Variants in SLC2A4 observed in about 807,000 individuals in gnomAD.
The protein encoded by SLC2A4 is solute carrier family 2 member 4, also known as solute carrier family 2, facilitated glucose transporter member 4.
Under a neutral mutation model 53.3 loss-of-function variants are expected in SLC2A4, and 31 were observed. That is an observed-to-expected ratio of 0.58 (90% CI 0.44 to 0.78). The LOEUF is 0.78. Among genes scored for constraint, SLC2A4 ranks in the 30% least tolerant of loss-of-function variants. The pLI is 0.00. For synonymous variants in SLC2A4, 276 were observed against 281.9 expected, an observed-to-expected ratio of 0.98 and a Z score of 0.21; for missense variants, 538 against 655.7, an observed-to-expected ratio of 0.82 and a Z score of 1.96.
intron 10 of SLC2A4, 147 bp from the exon 11 acceptor site, chr17:7,286,279 C>T: frequency 1.3e-6 from 1 of 774,794 alleles, no homozygotes; most frequent in Admixed American, 1.7e-5. Context: ...ATTCTCATTC[C>T]TGCTCATTTC....
Position 7,283,579 on chromosome 17 carries a change from C to T in SLC2A4, c.257C>T (p.Ala86Val). Residue 86 changes from alanine to valine, a missense_variant, in exon 3 of 11, where the codon GCC (alanine) becomes GTC (valine). Transcript: ENST00000317370. This position sits in a 1 kb window ranked among gnomAD's most constrained non-coding sequence, Gnocchi z 5.8. Reference sequence around the variant, plus strand: ...ACCACCCTCTGGGCCCTCTCCGTGGCCATCTTTTCCGTGGGCGGCATGATT... The same window carrying T: ...ACCACCCTCTGGGCCCTCTCCGTGGTCATCTTTTCCGTGGGCGGCATGATT... ...TLTTLWALSV[A>V]IFSVGGMISS... 1 of 1,614,056 alleles carries T rather than the reference C, an allele frequency of 6.2e-7. No homozygotes were observed.
chr17:7,286,396 C>G, intron 10 of SLC2A4, 30 bp from the exon 11 acceptor site: 2 of 1,602,168 alleles, frequency 1.2e-6, no homozygotes, highest in African/African-American at 2.7e-5. Context: ...CACCTCACTC[C>G]GTCAACACCT....
rs1166854682 is a variant in SLC2A4 at position 7,284,731 on chromosome 17, G to A, written c.915+59G>A. On this transcript the variant is annotated intron_variant, in intron 7 of 10. Transcript: ENST00000317370. This position sits in a 1 kb window ranked among gnomAD's most constrained non-coding sequence, Gnocchi z 7.5. ...CCCCGGGAGGGTAGACGAGAGTGGG[G>A]AGCAAACCCCCTCCACCAACACCCA... is the stretch of plus-strand genomic sequence containing the variant. 2 of 1,610,170 alleles carry A rather than the reference G, an allele frequency of 1.2e-6. No individual in the cohort carries two copies. The highest frequency in any genetic ancestry group is 1.3e-5 in the African/African-American group (1 of 74,820).
At position 7,286,739 on chromosome 17, in the gene SLC2A4, G is replaced by A; in HGVS notation, c.*110G>A. On this transcript the variant is annotated 3_prime_UTR_variant, in exon 11 of 11. Transcript: ENST00000317370. ...TTCCCTATTATTTCCGGGTGGAAAA[G>A]AATCCCTGCAGCCTGGTAGAATTGG... The A allele has an allele frequency of 9.6e-7, 1 of 1,040,556 alleles. No homozygotes were observed. Among genetic ancestry groups the A allele is most frequent in the East Asian group, 2.4e-5 (1 of 42,046 alleles). The allele number at this position is 1,040,556 out of a possible 1,614,324, so 64.5% of individuals were successfully genotyped here. A position where few individuals can be genotyped will look rare whatever the true frequency, so the allele number is the denominator to read the frequency against.
chr17:7,284,449 C>T lies in SLC2A4; in HGVS notation c.728-36C>T, dbSNP rs2072430832. On this transcript the variant is annotated intron_variant, in intron 6 of 10. Transcript: ENST00000317370. This position sits in a 1 kb window ranked among gnomAD's most constrained non-coding sequence, Gnocchi z 7.5. ...TCATCTTGCTAGCACCTGGCTTCCT[C>T]TCAGGTCCCCTCAGGCCTGACCTTC... is the stretch of plus-strand genomic sequence containing the variant. 1 of 1,614,010 alleles carries T rather than the reference C, an allele frequency of 6.2e-7. No homozygotes were observed. Among genetic ancestry groups the T allele is most frequent in the African/African-American group, 1.3e-5 (1 of 74,954 alleles).
Position 7,281,878 on chromosome 17 carries a change from C to A in SLC2A4, c.-57C>A, listed in dbSNP as rs909232188. ...GCGCTCCAGGCCGGAGTCAGAGACTCCAGGATCGGTTCTTTCATCTTCGCC... is the reference window on the plus strand; with the variant it reads ...GCGCTCCAGGCCGGAGTCAGAGACTACAGGATCGGTTCTTTCATCTTCGCC... On this transcript the variant is annotated 5_prime_UTR_variant, in exon 1 of 11. Coordinates refer to ENST00000317370, the MANE Select transcript of SLC2A4 (RefSeq NM_001042.3). The A allele has an allele frequency of 1.3e-6, 2 of 1,560,754 alleles. No homozygotes were observed. Among genetic ancestry groups the A allele is most frequent in the African/African-American group, 1.4e-5 (1 of 74,006 alleles).
Position 7,282,004 on chromosome 17 carries a change from C to A in SLC2A4, c.33+37C>A, listed in dbSNP as rs1454897603. 4 of 1,357,700 alleles carry A rather than the reference C, an allele frequency of 2.9e-6. No individual in the cohort carries two copies. Among genetic ancestry groups the A allele is most frequent in the South Asian group, 1.2e-5 (1 of 83,088 alleles). 84.1% of individuals were successfully genotyped at this position (1,357,700 alleles called of 1,614,324 possible). A position where few individuals can be genotyped will look rare whatever the true frequency, so the allele number is the denominator to read the frequency against. Reference sequence around the variant, plus strand: ...CATGAGGGGGCGGGGCGGGGGGGCACGGGTCCCGCTTTTCTTGGGCTGGGG... The same window carrying A: ...CATGAGGGGGCGGGGCGGGGGGGCAAGGGTCCCGCTTTTCTTGGGCTGGGG... On this transcript the variant is annotated intron_variant, in intron 1 of 10. Coordinates refer to ENST00000317370, the MANE Select transcript of SLC2A4 (RefSeq NM_001042.3). This position sits in a 1 kb window ranked among gnomAD's most constrained non-coding sequence, Gnocchi z 4.1.
rs1471876957 is a variant in SLC2A4 at position 7,285,966 on chromosome 17, T to A, written c.1326+58T>A. ...AGGCCAGAGGTGGGCATCACACAGC[T>A]AGCCCACCTGCTTCCCCGTCAGGGA... On this transcript the variant is annotated intron_variant, in intron 10 of 10. Coordinates refer to ENST00000317370, the MANE Select transcript of SLC2A4 (RefSeq NM_001042.3). This position sits in a 1 kb window ranked among gnomAD's most constrained non-coding sequence, Gnocchi z 6.0. 1.3e-6 allele frequency: 2 copies of A among 1,498,436 alleles called. No homozygotes were observed. Among genetic ancestry groups the A allele is most frequent in the Non-Finnish European group, 1.8e-6 (2 of 1,089,724 alleles). The allele number at this position is 1,498,436 out of a possible 1,614,324, so 92.8% of individuals were successfully genotyped here.
At position 7,286,561 on chromosome 17, in the gene SLC2A4, T is replaced by G. The variant is rs753644671; in HGVS notation, c.1462T>G (p.Ser488Ala). The G allele has an allele frequency of 1.9e-6, 3 of 1,614,108 alleles. No homozygotes were observed. Among genetic ancestry groups the G allele is most frequent in the Non-Finnish European group, 2.5e-6 (3 of 1,180,016 alleles). ...CTCAGCTGCCTTCCACCGGACACCC[T>G]CTCTTTTAGAGCAGGAGGTGAAACC... ...QISAAFHRTP[S>A]LLEQEVKPST... The change falls in exon 11 of 11, where the codon TCT (serine) becomes GCT (alanine). Residue 488 changes from serine to alanine, a missense_variant. Physicochemically the swap from Ser to Ala is moderately conservative, Grantham distance 99 (BLOSUM62 1). Transcript: ENST00000317370.
rs1567601459 is a variant in SLC2A4 at position 7,282,911 on chromosome 17, CG to C, written c.34-330del. ...CCATCTCACAGAGGACACTCAGGTTCGGGGCAGGGAAGTGACTTGGCCAAGG... is the reference window on the plus strand; with the variant it reads ...CCATCTCACAGAGGACACTCAGGTTCGGGCAGGGAAGTGACTTGGCCAAGG... On this transcript the variant is annotated intron_variant, in intron 1 of 10. Coordinates refer to ENST00000317370, the MANE Select transcript of SLC2A4 (RefSeq NM_001042.3). This position sits in a 1 kb window ranked among gnomAD's most constrained non-coding sequence, Gnocchi z 4.1. 1 of 391,756 alleles carries C rather than the reference CG, an allele frequency of 2.6e-6. No homozygotes were observed. The highest frequency in any genetic ancestry group is 4.9e-6 in the Non-Finnish European group (1 of 205,162). 24.3% of individuals were successfully genotyped at this position (391,756 alleles called of 1,614,324 possible). A position where few individuals can be genotyped will look rare whatever the true frequency, so the allele number is the denominator to read the frequency against.
Position 7,283,236 on chromosome 17 carries a change from C to T in SLC2A4, c.34-9C>T, listed in dbSNP as rs1450897643. ...GTGACATGCTGTGTCTTTGTGTCTGCCTGTTCAGGATGGGGAACCCCCTCA... is the reference window on the plus strand; with the variant it reads ...GTGACATGCTGTGTCTTTGTGTCTGTCTGTTCAGGATGGGGAACCCCCTCA... On this transcript the variant is annotated splice_polypyrimidine_tract_variant and intron_variant, in intron 1 of 10. Coordinates refer to ENST00000317370, the MANE Select transcript of SLC2A4 (RefSeq NM_001042.3). This position sits in a 1 kb window ranked among gnomAD's most constrained non-coding sequence, Gnocchi z 5.8. The T allele has an allele frequency of 7.5e-6, 12 of 1,606,362 alleles. No individual in the cohort carries two copies. Among genetic ancestry groups the T allele is most frequent in the Non-Finnish European group, 1.0e-5 (12 of 1,172,936 alleles).
Position 7,284,155 on chromosome 17 carries a change from G to A in SLC2A4, c.565-62G>A, listed in dbSNP as rs1282107093. On this transcript the variant is annotated intron_variant, in intron 5 of 10. Coordinates refer to ENST00000317370, the MANE Select transcript of SLC2A4 (RefSeq NM_001042.3). The surrounding 1 kb of genome is among the most constrained non-coding windows in gnomAD (Gnocchi z 7.5). Reference sequence around the variant, plus strand: ...GAGTGGGGCTCTGGAGAATATGGTGGGCTTCCAAGGTAAGGCAGAAGGGCT... The same window carrying A: ...GAGTGGGGCTCTGGAGAATATGGTGAGCTTCCAAGGTAAGGCAGAAGGGCT... The A allele has an allele frequency of 6.2e-7, 1 of 1,610,464 alleles. No homozygotes were observed. The highest frequency in any genetic ancestry group is 1.3e-5 in the African/African-American group (1 of 75,042).
rs2072420824 is a variant in SLC2A4, at chr17:7,283,556, C to A, written c.234C>A (p.Thr78=). 2 of 1,614,088 alleles carry A rather than the reference C, an allele frequency of 1.2e-6. No individual in the cohort carries two copies. Among genetic ancestry groups the A allele is most frequent in the East Asian group, 2.2e-5 (1 of 44,876 alleles). The change falls in exon 3 of 11, where the codon ACC becomes ACA. Residue 78 remains threonine, a synonymous_variant. Coordinates refer to ENST00000317370, the MANE Select transcript of SLC2A4 (RefSeq NM_001042.3). This position sits in a 1 kb window ranked among gnomAD's most constrained non-coding sequence, Gnocchi z 5.8. Reference sequence around the variant, plus strand: ...GCTCCATCCCTCCAGGCACCCTCACCACCCTCTGGGCCCTCTCCGTGGCCA... The same window carrying A: ...GCTCCATCCCTCCAGGCACCCTCACAACCCTCTGGGCCCTCTCCGTGGCCA... The part of the protein sequence containing the change: ...GPSSIPPGTL[T]TLWALSVAIF...
rs72556547 is a variant in SLC2A4, at chr17:7,284,852, C to T, written c.933C>T (p.Thr311=). 46 of 1,614,224 alleles carry T rather than the reference C, an allele frequency of 2.8e-5. No homozygotes were observed. The highest frequency in any genetic ancestry group is 3.7e-5 in the Non-Finnish European group (44 of 1,180,030). ...SGINAVFYYS[T]SIFETAGVGQ... is the part of the protein sequence containing the mutation. ...ACCTCTAGGTTTTCTATTATTCGAC[C>T]AGCATCTTCGAGACAGCAGGGGTAG... The change falls in exon 8 of 11, where the codon ACC becomes ACT. Residue 311 remains threonine, a synonymous_variant. Coordinates refer to ENST00000317370, the MANE Select transcript of SLC2A4 (RefSeq NM_001042.3). This position sits in a 1 kb window ranked among gnomAD's most constrained non-coding sequence, Gnocchi z 7.5.
rs770490161 is a variant in SLC2A4 at position 7,285,162 on chromosome 17, C to A, written c.1095C>A (p.Ile365=). ...LGLAGMCGCA[I]LMTVALLLLE... is the part of the protein sequence containing the mutation. The stretch of plus-strand genomic sequence containing the variant: ...TGGCGGGCATGTGTGGCTGTGCCAT[C>A]CTGATGACTGTGGCTCTGCTCCTGC... The change falls in exon 9 of 11, where the codon ATC becomes ATA. Residue 365 remains isoleucine, a synonymous_variant. Transcript: ENST00000317370. The surrounding 1 kb of genome is among the most constrained non-coding windows in gnomAD (Gnocchi z 6.0). 6.2e-7 allele frequency: 1 copy of A among 1,602,548 alleles called. No homozygotes were observed. The highest frequency in any genetic ancestry group is 1.7e-5 in the Admixed American group (1 of 57,642).
rs765036141 is a variant in SLC2A4, at chr17:7,284,511, G to C, written c.754G>C (p.Asp252His). 1 of 1,614,142 alleles carries C rather than the reference G, an allele frequency of 6.2e-7. No individual in the cohort carries two copies. The highest frequency in any genetic ancestry group is 8.5e-7 in the Non-Finnish European group (1 of 1,180,058). ...TCTGAAGCGCCTGACAGGCTGGGCC[G>C]ATGTTTCTGGAGTGCTGGCTGAGCT... ...KSLKRLTGWA[D>H]VSGVLAELKD... The change falls in exon 7 of 11, where the codon GAT (aspartate) becomes CAT (histidine). Residue 252 changes from aspartate (D) to histidine (H), a missense_variant. Transcript: ENST00000317370. The surrounding 1 kb of genome is among the most constrained non-coding windows in gnomAD (Gnocchi z 7.5).
In SLC2A4 at chr17:7,284,817, C is replaced by T; in HGVS notation, c.916-18C>T. On this transcript the variant is annotated intron_variant, in intron 7 of 10. Transcript: ENST00000317370. The surrounding 1 kb of genome is among the most constrained non-coding windows in gnomAD (Gnocchi z 7.5). ...AGGGGCATTCCTGCCATCACTTCTT[C>T]TTCTCCCCCACCTCTAGGTTTTCTA... 1 of 1,614,212 alleles carries T rather than the reference C, an allele frequency of 6.2e-7. No homozygotes were observed. Among genetic ancestry groups the T allele is most frequent in the Non-Finnish European group, 8.5e-7 (1 of 1,180,012 alleles).
rs1374027893 is a variant in SLC2A4, at chr17:7,287,680, G to C, written c.*1051G>C. The C allele has an allele frequency of 6.6e-6, 1 of 152,258 alleles. No individual in the cohort carries two copies. The highest frequency in any genetic ancestry group is 1.9e-4 in the East Asian group (1 of 5,196). 9.4% of individuals were successfully genotyped at this position (152,258 alleles called of 1,614,324 possible). On this transcript the variant is annotated 3_prime_UTR_variant, in exon 11 of 11. Transcript: ENST00000317370. ...GGCTTTTGACCAACTAAGGCAAAGA[G>C]GGGATTTGAAAGGCTGCCTGGAAAC...
rs752411876 is a variant in SLC2A4, at chr17:7,284,329, G to C, written c.677G>C (p.Ser226Thr). The C allele has an allele frequency of 1.9e-6, 3 of 1,614,120 alleles. No individual in the cohort carries two copies. In the East Asian group the frequency reaches 6.7e-5, roughly 36 times the overall value. The change falls in exon 6 of 11, where the codon AGC becomes ACC. Residue 226 changes from serine to threonine, a missense_variant. Ser to Thr is a moderately conservative substitution (Grantham distance 58, BLOSUM62 1). Coordinates refer to ENST00000317370, the MANE Select transcript of SLC2A4 (RefSeq NM_001042.3). This position sits in a 1 kb window ranked among gnomAD's most constrained non-coding sequence, Gnocchi z 7.5. ...QLVLLPFCPE[S>T]PRYLYIIQNL... ...GTCCTGCTGCCCTTCTGTCCCGAGA[G>C]CCCCCGCTACCTCTACATCATCCAG...
Sources: allele counts gnomAD v4.1 joint callset, GRCh38; gene constraint gnomAD v4.1.1; non-coding constraint Gnocchi (gnomAD v3.1); transcripts MANE v1.5; gene names NCBI Gene and HGNC (gene_info 2026-07-23, HGNC 2026-07-21).